Variants in DCC observed in about 807,000 individuals in gnomAD.
DCC encodes netrin receptor DCC.
A neutral mutation model predicts 172.5 loss-of-function variants in DCC; 58 were observed. The observed-to-expected ratio is 0.34, with a 90% CI of 0.27 to 0.42. DCC has a LOEUF of 0.42. Among genes scored for constraint, DCC ranks in the 10% least tolerant of loss-of-function variants. The pLI is 1.00. For synonymous variants in DCC, 709 were observed against 644.5 expected (o/e 1.10, Z -1.52); for missense variants, 1,740 against 1,791.0 (o/e 0.97, Z 0.51).
chr18:52,700,279 T>C lies in DCC; in HGVS notation c.92-51775T>C, dbSNP rs562535420. 2.2e-3 allele frequency among the ~76,000 whole-genome samples: 180 copies of C among 80,054 alleles called. 1 individual carries two copies. Among genetic ancestry groups the C allele is most frequent in the African/African-American group, 8.5e-3 (165 of 19,454 alleles). The allele number at this position is 80,054 out of a possible 152,430, so 52.5% of individuals were successfully genotyped here. On this transcript the variant is annotated intron_variant, in intron 1 of 28. Transcript: ENST00000442544. ...GCACATCCACACTCTTGTGCACACA[T>C]GCACACACATGCACATCCACACACA...
intron 15 of DCC, among the ~76,000 whole-genome samples, chr18:53,381,016 C>T (rs1021112904): frequency 2.6e-5 from 4 of 151,992 alleles, no homozygotes; most frequent in African/African-American, 9.7e-5. Flanking sequence ...GGCTAAAGAT[C>T]AAGTGAAAGA....
intron 5 of DCC, among the ~76,000 whole-genome samples, chr18:52,996,141 A>T (rs575858488): frequency 1.3e-5 from 2 of 152,162 alleles, no homozygotes; most frequent in African/African-American, 4.8e-5. Context: ...CTGCATAGCG[A>T]TGTGTAATAG....
intron 7 of DCC, among the ~76,000 whole-genome samples, chr18:53,109,950 T>G (rs1027812604): frequency 1.3e-5 from 2 of 151,626 alleles, no homozygotes; most frequent in Admixed American, 6.6e-5. Flanking sequence ...TGAAAGTATT[T>G]TTTTTTTCTG....
intron 2 of DCC, among the ~76,000 whole-genome samples, chr18:52,841,720 T>C (rs1318166901): frequency 6.6e-6 from 1 of 152,146 alleles, no homozygotes; most frequent in East Asian, 1.9e-4. Context: ...CATCCTGTAG[T>C]TGTTGGGAGT....
At chr18:53,058,955 T>C (rs1481566628) in intron 5 of DCC, among the ~76,000 whole-genome samples, 1 of 152,054 alleles carries the variant, frequency 6.6e-6, no homozygotes, top group African/African-American at 2.4e-5. Flanking sequence ...AATACATACC[T>C]GAGACTGGGC....
At chr18:53,484,191 C>G (rs2045874406) in intron 25 of DCC, among the ~76,000 whole-genome samples, 2 of 151,658 alleles carry the variant, frequency 1.3e-5, no homozygotes, top group South Asian at 2.1e-4. Context: ...CAATTATGCT[C>G]TAAATGAAAA....
chr18:52,741,120 A>G (rs923554174), intron 1 of DCC, among the ~76,000 whole-genome samples: 1 of 152,188 alleles, frequency 6.6e-6, no homozygotes, highest in African/African-American at 2.4e-5. Context: ...CATATAAACT[A>G]CATAAATTGC....
At chr18:53,420,193 G>GTTAA (rs1223264278) in intron 21 of DCC, among the ~76,000 whole-genome samples, 6 of 152,128 alleles carry the variant, frequency 3.9e-5, no homozygotes, top group Non-Finnish European at 5.9e-5. Flanking sequence ...CATGACAACA[G>GTTAA]ATATGTTACA....
chr18:52,806,903 A>G (rs1228796401), intron 2 of DCC, among the ~76,000 whole-genome samples: 1 of 152,178 alleles, frequency 6.6e-6, no homozygotes, highest in Non-Finnish European at 1.5e-5. Flanking sequence ...TCCTAAAGAT[A>G]TGCAGAGTTG....
intron 1 of DCC, among the ~76,000 whole-genome samples, chr18:52,570,746 G>A (rs1001103363): frequency 4.6e-5 from 7 of 152,088 alleles, no homozygotes; most frequent in Admixed American, 4.6e-4. Context: ...ATTTTTAAAA[G>A]ATTTGGTAGA....
At chr18:52,359,574 A>T (rs1568131700) in intron 1 of DCC, among the ~76,000 whole-genome samples, 1 of 152,116 alleles carries the variant, frequency 6.6e-6, no homozygotes, top group Non-Finnish European at 1.5e-5. Flanking sequence ...TTCTCTGGAA[A>T]GTAGGAGTGA....
chr18:52,956,974 T>A (rs748241146), intron 5 of DCC, among the ~76,000 whole-genome samples: 1 of 152,128 alleles, frequency 6.6e-6, no homozygotes, highest in Non-Finnish European at 1.5e-5. Context: ...GCATATTGCT[T>A]TGAATCTCTT....
In DCC at chr18:52,719,682, G is replaced by A. The variant is rs559753068; in HGVS notation, c.92-32372G>A. ...ATATCATTAGAGAGAATTATATTGA[G>A]AAGAGGCCCAGCTTTTGATGTGGGG... is the stretch of plus-strand genomic sequence containing the variant. On this transcript the variant is annotated intron_variant, in intron 1 of 28. Coordinates refer to ENST00000442544, the MANE Select transcript of DCC (RefSeq NM_005215.4). Among the ~76,000 whole-genome samples, 10 of 152,250 alleles carry A rather than the reference G, an allele frequency of 6.6e-5. No homozygotes were observed. The South Asian group carries it at 1.9e-3, about 28-fold the overall frequency.
rs1055831105 is a variant in DCC, at chr18:53,534,129, G to A, written c.*3476G>A. On this transcript the variant is annotated 3_prime_UTR_variant, in exon 29 of 29. Transcript: ENST00000442544. ...TTATGGTTGTCCCCAAATGTAATAT[G>A]GTATCTCAGATATAGCAGCTGGACT... 5 of 152,022 alleles carry A rather than the reference G, an allele frequency of 3.3e-5. No individual in the cohort carries two copies. The highest frequency in any genetic ancestry group is 1.2e-4 in the African/African-American group (5 of 41,388). The allele number at this position is 152,022 out of a possible 1,614,324, so 9.4% of individuals were successfully genotyped here.
intron 27 of DCC, among the ~76,000 whole-genome samples, chr18:53,503,336 G>GTAAC (rs2046127848): frequency 6.6e-6 from 1 of 152,082 alleles, no homozygotes; most frequent in Non-Finnish European, 1.5e-5. Flanking sequence ...AGTTAAAAAT[G>GTAAC]TAACTTACAA....
At chr18:52,511,280 CAAAAAAAA>C in intron 1 of DCC, among the ~76,000 whole-genome samples, 1 of 110,078 alleles carries the variant, frequency 9.1e-6, no homozygotes, top group South Asian at 3.1e-4. Flanking sequence ...GACTCTGTCT[CAAAAAAAA>C]AAAAAAAAAA....
At chr18:53,226,934 G>GTATATATATATATATATATATA (rs1555734406) in intron 12 of DCC, among the ~76,000 whole-genome samples, 3 of 68,140 alleles carry the variant, frequency 4.4e-5, no homozygotes, top group East Asian at 2.5e-4. Context: ...GTGTGTGTGT[G>GTATATATATATATATATATATA]TATATATATA....
At chr18:52,585,494 C>A (rs1244309003) in intron 1 of DCC, among the ~76,000 whole-genome samples, 1 of 152,128 alleles carries the variant, frequency 6.6e-6, no homozygotes, top group Non-Finnish European at 1.5e-5. Context: ...GTTTATCTTT[C>A]CACTGGAATG....
chr18:53,056,320 C>A (rs2042403273), intron 5 of DCC, among the ~76,000 whole-genome samples: 3 of 152,060 alleles, frequency 2.0e-5, no homozygotes, highest in African/African-American at 7.2e-5. Flanking sequence ...CCCCTATGAT[C>A]CAGTCATCTC....
Sources: gnomAD v4.1 joint callset for allele counts (sites outside exome capture counted in the v4.1 genomes callset) on GRCh38, gnomAD v4.1.1 for gene constraint, MANE v1.5 for transcripts, NCBI Gene and HGNC (gene_info 2026-07-23, HGNC 2026-07-21) for gene names.